Variants in PCYT1B observed in about 807,000 individuals in gnomAD.
PCYT1B encodes phosphate cytidylyltransferase 1B, choline.
In PCYT1B, 10 loss-of-function variants were observed where a neutral mutation model predicts 26.4. The observed-to-expected ratio is 0.38, with a 90% CI of 0.23 to 0.64. The LOEUF is 0.64. Ranked by LOEUF, PCYT1B falls within the 30% of genes least tolerant of loss-of-function variation. The pLI, the probability that PCYT1B is intolerant of heterozygous loss-of-function variation, is 0.56. For missense variants in PCYT1B, 161 were observed against 292.7 expected, an observed-to-expected ratio of 0.55 and a Z score of 3.28; for synonymous variants, 131 against 108.4, an observed-to-expected ratio of 1.21 and a Z score of -1.29.
upstream of PCYT1B, among the ~76,000 whole-genome samples, chrX:24,648,506 T>C (rs1926699585): frequency 1.3e-5 from 1 of 76,127 alleles, no homozygotes; most frequent in African/African-American, 5.3e-5. Context: ...GGCGGGCGCG[T>C]AGGGACCAGG....
At chrX:24,672,753 C>G, upstream of PCYT1B, 1 of 532,239 alleles carries the variant, frequency 1.9e-6, no homozygotes, top group Admixed American at 3.2e-5. Flanking sequence ...CTGTGCCCAG[C>G]GCTCAAAGAT....
chrX:24,664,526 A>G (rs1002334395), intron 1 of PCYT1B, among the ~76,000 whole-genome samples: 6 of 112,365 alleles, frequency 5.3e-5, no homozygotes, highest in Non-Finnish European at 7.5e-5. Flanking sequence ...GCATCACTTT[A>G]TTAACTCGTG....
At chrX:24,665,447 C>T (rs373765951) in intron 1 of PCYT1B, among the ~76,000 whole-genome samples, 3 of 110,556 alleles carry the variant, frequency 2.7e-5, no homozygotes, top group East Asian at 2.9e-4. Context: ...CGTGCCACCA[C>T]GCCCAGCTAA....
chrX:24,577,339 G>A (rs781298877), intron 6 of PCYT1B, among the ~76,000 whole-genome samples: 1 of 112,315 alleles, frequency 8.9e-6, no homozygotes, highest in Non-Finnish European at 1.9e-5. Context: ...GAGCTAAGTG[G>A]CTTATCTAAA....
At chrX:24,642,552 G>T (rs1313852318) in intron 1 of PCYT1B, among the ~76,000 whole-genome samples, 1 of 111,809 alleles carries the variant, frequency 8.9e-6, no homozygotes, top group Non-Finnish European at 1.9e-5. Context: ...AAACCTAAAA[G>T]AATGGAAGAA....
At chrX:24,618,375 T>C (rs778195590) in intron 2 of PCYT1B, among the ~76,000 whole-genome samples, 12 of 112,156 alleles carry the variant, frequency 1.1e-4, no homozygotes, top group Non-Finnish European at 1.9e-4. Context: ...GGTATTGTTA[T>C]CCCTGTTTTA....
At chrX:24,663,787 C>T (rs1011970513) in intron 1 of PCYT1B, among the ~76,000 whole-genome samples, 1 of 110,899 alleles carries the variant, frequency 9.0e-6, no homozygotes, top group Non-Finnish European at 1.9e-5. Context: ...TGCGTGGTGG[C>T]GGGCACTTGT....
At position 24,647,287 on chromosome X, in the gene PCYT1B, C is replaced by T. The variant is rs1351191178; in HGVS notation, c.-182G>A. On this transcript the variant is annotated 5_prime_UTR_variant, in exon 1 of 8. Transcript: ENST00000379144. Reference sequence around the variant, plus strand: ...TTACCCCCCGCCCCTCTCTCTCTCTCTCTCTCCCAGAAGCCAAGAGGCAAG... The same window carrying T: ...TTACCCCCCGCCCCTCTCTCTCTCTTTCTCTCCCAGAAGCCAAGAGGCAAG... 2.5e-5 allele frequency: 25 copies of T among 1,012,301 alleles called. No homozygotes were observed. The African/African-American group carries it at 5.0e-4, about 20-fold the overall frequency. The allele number at this position is 1,012,301 out of a possible 1,213,427, so 83.4% of individuals were successfully genotyped here.
intron 3 of PCYT1B, among the ~76,000 whole-genome samples, chrX:24,599,406 A>C (rs776245894): frequency 3.6e-5 from 4 of 112,266 alleles, no homozygotes; most frequent in African/African-American, 9.7e-5. Context: ...TGCATGAACA[A>C]CATATTTCAG....
intron 6 of PCYT1B, among the ~76,000 whole-genome samples, chrX:24,577,282 G>A (rs1241704652): frequency 9.0e-6 from 1 of 111,731 alleles, no homozygotes; most frequent in Non-Finnish European, 1.9e-5. Context: ...CAGGTTTGTC[G>A]TCACAGGAAG....
At chrX:24,587,471 G>C in intron 4 of PCYT1B, 152 bp from the exon 5 acceptor site, 1 of 438,106 alleles carries the variant, frequency 2.3e-6, no homozygotes, top group South Asian at 3.8e-5. Flanking sequence ...TGGCTGAAAT[G>C]TATTTCCAAC....
chrX:24,593,496 TTTTCTTTTCTTTTCTTTTC>T (rs1924668291), intron 3 of PCYT1B, among the ~76,000 whole-genome samples: 1 of 48,018 alleles, frequency 2.1e-5, no homozygotes, highest in African/African-American at 7.8e-5. Context: ...TTTTCTTTTC[TTTTCTTTTCTTTTCTTTTC>T]TTTCTTTCTT....
chrX:24,565,477 G>T (rs1923595577), intron 7 of PCYT1B, among the ~76,000 whole-genome samples: 1 of 110,054 alleles, frequency 9.1e-6, no homozygotes, highest in Non-Finnish European at 1.9e-5. Flanking sequence ...ATGGGGAGTG[G>T]GTCCATGGGG....
intron 3 of PCYT1B, among the ~76,000 whole-genome samples, chrX:24,595,745 G>A (rs1924754771): frequency 9.0e-6 from 1 of 110,572 alleles, no homozygotes; most frequent in African/African-American, 3.3e-5. Context: ...CCGGGCGTTA[G>A]TGGTGCACGC....
intron 7 of PCYT1B, among the ~76,000 whole-genome samples, chrX:24,570,322 C>T (rs1369638770): frequency 9.2e-6 from 1 of 108,615 alleles, no homozygotes; most frequent in Non-Finnish European, 1.9e-5. Flanking sequence ...GGTGCAATCT[C>T]GAGTCATTGC....
At chrX:24,599,214 T>C (rs964792776) in intron 3 of PCYT1B, among the ~76,000 whole-genome samples, 2 of 111,885 alleles carry the variant, frequency 1.8e-5, no homozygotes, top group Non-Finnish European at 3.8e-5. Context: ...TCATTTCTAA[T>C]CCATTGCTTG....
intron 1 of PCYT1B, among the ~76,000 whole-genome samples, chrX:24,626,472 G>A (rs892076830): frequency 5.1e-4 from 57 of 112,047 alleles, no homozygotes; most frequent in Non-Finnish European, 9.8e-4. Context: ...ATATATGTCT[G>A]TCATTTTGTT....
upstream of PCYT1B, among the ~76,000 whole-genome samples, chrX:24,650,363 A>G: frequency 1.1e-5 from 1 of 93,616 alleles, no homozygotes; most frequent in South Asian, 5.6e-4. Context: ...CTCTGTTGCC[A>G]GGCTGGAATG....
At chrX:24,624,139 T>C (rs957737197) in intron 1 of PCYT1B, among the ~76,000 whole-genome samples, 2 of 109,434 alleles carry the variant, frequency 1.8e-5, no homozygotes, top group Admixed American at 2.0e-4. Flanking sequence ...CCGGCTAATT[T>C]TTTGTATTTT....
Sources: allele counts gnomAD v4.1 joint callset (sites outside exome capture counted in the v4.1 genomes callset), GRCh38; gene constraint gnomAD v4.1.1; transcripts MANE v1.5; gene names NCBI Gene and HGNC (gene_info 2026-07-23, HGNC 2026-07-21).